MSH3: variants seen among roughly 807,000 people sequenced by gnomAD.
MSH3 encodes DNA mismatch repair protein Msh3.
In MSH3, 106 loss-of-function variants were observed where a neutral mutation model predicts 123.3. The ratio of observed to expected loss-of-function variants is 0.86; its 90% CI spans 0.73 to 1.01. The LOEUF (loss-of-function observed/expected upper bound fraction) is 1.01. Ranked by LOEUF, MSH3 falls within the 50% of genes least tolerant of loss-of-function variation. The probability of loss-of-function intolerance (pLI) is 0.00; values close to 1 mark genes in which losing one functional copy is unlikely to be tolerated. For synonymous variants in MSH3, 515 were observed against 481.4 expected (o/e 1.07, Z -0.91); for missense variants, 1,459 against 1,347.6 (o/e 1.08, Z -1.29).
chr5:80,849,334 G>A (rs1324762716), intron 20 of MSH3, among the ~76,000 whole-genome samples: 2 of 152,094 alleles, frequency 1.3e-5, no homozygotes, highest in African/African-American at 4.8e-5. Flanking sequence ...CTGGGGTCTG[G>A]AGGACTGTGG....
intron 19 of MSH3, 119 bp downstream of exon 19, chr5:80,792,963 G>T (rs538642469): frequency 5.9e-4 from 401 of 682,104 alleles, no homozygotes; most frequent in Non-Finnish European, 8.4e-4. Flanking sequence ...AATGGGCTAA[G>T]CCTGGACATA....
At chr5:80,688,295 G>A (rs1436474401) in intron 8 of MSH3, among the ~76,000 whole-genome samples, 1 of 152,122 alleles carries the variant, frequency 6.6e-6, no homozygotes, top group Non-Finnish European at 1.5e-5. Flanking sequence ...TTAATGTTGG[G>A]GAATAAGAAT....
chr5:80,833,383 C>G (rs4704684), intron 20 of MSH3, among the ~76,000 whole-genome samples: 1 of 152,076 alleles, frequency 6.6e-6, no homozygotes, highest in Non-Finnish European at 1.5e-5. Flanking sequence ...ACATCATTGT[C>G]TAGTATAGTA....
chr5:80,825,182 G>A (rs1236614828), intron 20 of MSH3, among the ~76,000 whole-genome samples: 7 of 151,816 alleles, frequency 4.6e-5, no homozygotes, highest in Non-Finnish European at 7.4e-5. Flanking sequence ...CAATACAATC[G>A]AACCTCTAAT....
rs559402990 is a variant in MSH3 at position 80,787,212 on chromosome 5, C to T, written c.2436-353C>T. ...GAGAAGCACAAGGGAAGCTGATCCA[C>T]ATGAATATTTCATGATGTTATTGAA... is the stretch of plus-strand genomic sequence containing the variant. On this transcript the variant is annotated intron_variant, in intron 17 of 23. Coordinates refer to ENST00000265081, the MANE Select transcript of MSH3 (RefSeq NM_002439.5). Among the ~76,000 whole-genome samples the T allele has an allele frequency of 9.2e-5, 14 of 152,256 alleles. No homozygotes were observed. In the East Asian group the frequency reaches 1.7e-3, roughly 19 times the overall value.
chr5:80,800,258 C>T (rs1256684997), intron 19 of MSH3, among the ~76,000 whole-genome samples: 1 of 152,216 alleles, frequency 6.6e-6, no homozygotes, highest in Non-Finnish European at 1.5e-5. Context: ...TTAATTAATT[C>T]ATTCATCCCC....
chr5:80,709,207 A>ATGTGTGTG (rs1491153058), intron 8 of MSH3, among the ~76,000 whole-genome samples: 1 of 117,024 alleles, frequency 8.5e-6, no homozygotes. Context: ...TATAAAATAG[A>ATGTGTGTG]TATGTGTGTG....
chr5:80,697,510 GTTAAC>G (rs534953376), intron 8 of MSH3, among the ~76,000 whole-genome samples: 89 of 152,318 alleles, frequency 5.8e-4, no homozygotes, highest in African/African-American at 2.0e-3. Flanking sequence ...AAAAATGTGA[GTTAAC>G]TTAACAAGAA....
chr5:80,721,368 A>C (rs1008120349), intron 8 of MSH3, among the ~76,000 whole-genome samples: 6 of 152,206 alleles, frequency 3.9e-5, no homozygotes, highest in Admixed American at 1.3e-4. Flanking sequence ...TTGTGAATTC[A>C]TAGGGCCTAG....
chr5:80,829,269 TGTTGAAAAGG>T (rs1745377931), intron 20 of MSH3, among the ~76,000 whole-genome samples: 1 of 152,176 alleles, frequency 6.6e-6, no homozygotes. Flanking sequence ...TCCACTGCAG[TGTTGAAAAGG>T]AGTGGTAAGA....
At chr5:80,664,300 G>A (rs773473631) in intron 2 of MSH3, among the ~76,000 whole-genome samples, 4 of 152,178 alleles carry the variant, frequency 2.6e-5, no homozygotes, top group Non-Finnish European at 4.4e-5. Flanking sequence ...TGGTGTTTCT[G>A]AGTATGGTGA....
intron 12 of MSH3, among the ~76,000 whole-genome samples, chr5:80,748,576 A>G (rs1444891738): frequency 6.6e-6 from 1 of 152,044 alleles, no homozygotes; most frequent in East Asian, 1.9e-4. Context: ...TGCATGTCAC[A>G]TTGGCATGCC....
At chr5:80,693,624 T>TACACACACACACACAC (rs370934498) in intron 8 of MSH3, among the ~76,000 whole-genome samples, 7 of 146,044 alleles carry the variant, frequency 4.8e-5, no homozygotes, top group African/African-American at 1.8e-4. Flanking sequence ...CACACACATA[T>TACACACACACACACAC]ACACACACAC....
At chr5:80,704,826 T>C (rs1234537408) in intron 8 of MSH3, among the ~76,000 whole-genome samples, 1 of 152,234 alleles carries the variant, frequency 6.6e-6, no homozygotes, top group Non-Finnish European at 1.5e-5. Context: ...AGGAGCATGA[T>C]ACCTTTCCTC....
intron 3 of MSH3, 148 bp from the exon 4 acceptor site, chr5:80,669,949 G>T: frequency 1.4e-6 from 1 of 711,234 alleles, no homozygotes. Flanking sequence ...CCTATGGATA[G>T]TTTGCCGGAA....
At chr5:80,836,429 T>C (rs1284447215) in intron 20 of MSH3, among the ~76,000 whole-genome samples, 1 of 150,998 alleles carries the variant, frequency 6.6e-6, no homozygotes, top group African/African-American at 2.4e-5. Context: ...AGCTTAAGGA[T>C]GATAAGGCTT....
chr5:80,847,089 T>C (rs1544749), intron 20 of MSH3, among the ~76,000 whole-genome samples: 1 of 152,160 alleles, frequency 6.6e-6, no homozygotes, highest in Non-Finnish European at 1.5e-5. Flanking sequence ...AGACAGATTC[T>C]CGCTCTCTTG....
At chr5:80,864,330 A>T (rs1412921086) in intron 21 of MSH3, among the ~76,000 whole-genome samples, 1 of 152,018 alleles carries the variant, frequency 6.6e-6, no homozygotes, top group Non-Finnish European at 1.5e-5. Context: ...CTCCACCCAC[A>T]CTCTATTCCT....
At position 80,873,146 on chromosome 5, in the gene MSH3, C is replaced by A. The variant is rs2112128623; in HGVS notation, c.3161C>A (p.Thr1054Asn). ...GAAEQVPDFV[T>N]FLYQITRGIA... ...GCAGAACAAGTCCCTGATTTTGTCA[C>A]CTTCCTTTACCAAATAACTAGAGGA... is the stretch of plus-strand genomic sequence containing the variant. The change falls in exon 23 of 24, where the codon ACC (threonine) becomes AAC (asparagine). Residue 1054 changes from threonine to asparagine, a missense_variant. Thr to Asn is a moderately conservative substitution (Grantham distance 65). Transcript: ENST00000265081. The A allele has an allele frequency of 6.2e-7, 1 of 1,613,764 alleles. No individual in the cohort carries two copies. Among genetic ancestry groups the A allele is most frequent in the South Asian group, 1.1e-5 (1 of 91,072 alleles).
Sources: allele counts gnomAD v4.1 joint callset (sites outside exome capture counted in the v4.1 genomes callset), GRCh38; gene constraint gnomAD v4.1.1; transcripts MANE v1.5; gene names NCBI Gene and HGNC (gene_info 2026-07-23, HGNC 2026-07-21).